Variants in CCL23 observed in about 807,000 individuals in gnomAD.
The protein encoded by CCL23 is C-C motif chemokine 23.
Under a neutral mutation model 11.8 loss-of-function variants are expected in CCL23, and 10 were observed. The ratio of observed to expected loss-of-function variants is 0.84; its 90% CI spans 0.52 to 1.43. CCL23 has a LOEUF of 1.43. Among genes scored for constraint, CCL23 ranks in the 40% most tolerant of loss-of-function variants. The pLI is 0.00. For synonymous variants in CCL23, 60 were observed against 61.0 expected (o/e 0.98, Z 0.07); for missense variants, 181 against 170.9 (o/e 1.06, Z -0.33).
At chr17:36,014,276 TAGTGC>T in intron 2 of CCL23, 53 bp downstream of exon 2, 1 of 1,215,140 alleles carries the variant, frequency 8.2e-7, no homozygotes, top group East Asian at 2.3e-5. Context: ...ATGGATCCCA[TAGTGC>T]AGACCTGCAC....
intron 3 of CCL23, 88 bp downstream of exon 3, chr17:36,013,656 C>T: frequency 3.0e-6 from 4 of 1,344,124 alleles, no homozygotes; most frequent in Non-Finnish European, 4.2e-6. Context: ...AGGGTGGGCC[C>T]TGATGGACAC....
At chr17:36,013,635 G>A (rs942230903) in intron 3 of CCL23, 109 bp downstream of exon 3, 1 of 1,051,404 alleles carries the variant, frequency 9.5e-7, no homozygotes, top group Non-Finnish European at 1.4e-6. Flanking sequence ...CCCATACCTG[G>A]CAGGATCCAG....
chr17:36,015,580 C>T (rs2090091662), intron 1 of CCL23, among the ~76,000 whole-genome samples: 1 of 152,168 alleles, frequency 6.6e-6, no homozygotes, highest in Admixed American at 6.5e-5. Flanking sequence ...ATTCTGCATT[C>T]CAAAATTCAT....
chr17:36,017,400 T>C (rs553890160), intron 1 of CCL23, among the ~76,000 whole-genome samples: 1 of 152,316 alleles, frequency 6.6e-6, no homozygotes, highest in South Asian at 2.1e-4. Flanking sequence ...TGACCTTGGT[T>C]GAGTCATTTG....
At chr17:36,016,234 A>G (rs1284775766) in intron 1 of CCL23, among the ~76,000 whole-genome samples, 3 of 152,104 alleles carry the variant, frequency 2.0e-5, no homozygotes, top group Admixed American at 2.0e-4. Context: ...ATAGGTATAC[A>G]TGTGCCATGG....
intron 1 of CCL23, among the ~76,000 whole-genome samples, chr17:36,017,136 A>G (rs2090103568): frequency 6.6e-6 from 1 of 152,194 alleles, no homozygotes; most frequent in Non-Finnish European, 1.5e-5. Flanking sequence ...CAAGTTATCT[A>G]AGGTTCTGTG....
At chr17:36,013,357 A>G in intron 3 of CCL23, 49 bp from the exon 4 acceptor site, 2 of 1,254,750 alleles carry the variant, frequency 1.6e-6, no homozygotes, top group South Asian at 2.4e-5. Context: ...TGTCCAGCAC[A>G]TGGGGACAGG....
chr17:36,015,920 T>G (rs2090094784), intron 1 of CCL23, among the ~76,000 whole-genome samples: 1 of 151,676 alleles, frequency 6.6e-6, no homozygotes, highest in Admixed American at 6.6e-5. Context: ...GGCATGTGCC[T>G]GTAATCGCAG....
rs1428418341 is a variant in CCL23, at chr17:36,014,327, C to T, written c.136+7G>A. ...CTTTTAAATATATGCCGTATCTGAT[C>T]ACTTACTGTCCAGAAGTACTGGATT... On this transcript the variant is annotated splice_region_variant and intron_variant, in intron 2 of 3. Coordinates refer to ENST00000615050, the MANE Select transcript of CCL23 (RefSeq NM_005064.6). 4 of 1,603,288 alleles carry T rather than the reference C, an allele frequency of 2.5e-6. No individual in the cohort carries two copies. The highest frequency in any genetic ancestry group is 3.4e-6 in the Non-Finnish European group (4 of 1,170,040).
In CCL23 at chr17:36,013,800, A is replaced by ACTCATCCAGTGTT; in HGVS notation, c.245_246insAACACTGGATGAG (p.Cys82Ter). 6.2e-7 allele frequency: 1 copy of ACTCATCCAGTGTT among 1,614,220 alleles called. No individual in the cohort carries two copies. Among genetic ancestry groups the ACTCATCCAGTGTT allele is most frequent in the Non-Finnish European group, 8.5e-7 (1 of 1,180,030 alleles). On this transcript the variant is annotated stop_gained and frameshift_variant, in exon 3 of 4. Coordinates refer to ENST00000615050, the MANE Select transcript of CCL23 (RefSeq NM_005064.6). LOFTEE classifies it high-confidence loss of function. ...TTTCAAAGTAACTCTCCAGGAGTGAACACGGGATGCTTCGTGGGGTGTAGG... is the reference window on the plus strand; with the variant it reads ...TTTCAAAGTAACTCTCCAGGAGTGAACTCATCCAGTGTTCACGGGATGCTTCGTGGGGTGTAGG...
rs575151366 is a variant in CCL23 at position 36,015,961 on chromosome 17, T to C, written c.77-1568A>G. Among the ~76,000 whole-genome samples, 45 of 151,976 alleles carry C rather than the reference T, an allele frequency of 3.0e-4. No homozygotes were observed. The East Asian group carries it at 7.7e-3, about 26-fold the overall frequency. On this transcript the variant is annotated intron_variant, in intron 1 of 3. Transcript: ENST00000615050. ...AGGGAGGCTGAGGCAGGAGAATCGT[T>C]TGAACCCAGGAGGTAGAGGTTGCAG...
intron 1 of CCL23, among the ~76,000 whole-genome samples, chr17:36,016,440 T>G (rs9897400): frequency 0.27 from 40,676 of 151,996 alleles, 6,883 homozygotes; most frequent in African/African-American, 0.48. Context: ...TTTCTGTTTC[T>G]GTGTTAGTTT....
At chr17:36,014,617 G>A (rs1021240304) in intron 1 of CCL23, among the ~76,000 whole-genome samples, 5 of 152,086 alleles carry the variant, frequency 3.3e-5, no homozygotes, top group Admixed American at 6.5e-5. Flanking sequence ...AAAACACTGT[G>A]TTGACTCTGA....
chr17:36,016,231 T>C (rs918909226), intron 1 of CCL23, among the ~76,000 whole-genome samples: 2 of 152,130 alleles, frequency 1.3e-5, no homozygotes, highest in African/African-American at 2.4e-5. Context: ...TACATAGGTA[T>C]ACATGTGCCA....
At chr17:36,016,199 T>C (rs142829834) in intron 1 of CCL23, among the ~76,000 whole-genome samples, 5 of 152,276 alleles carry the variant, frequency 3.3e-5, no homozygotes, top group African/African-American at 7.2e-5. Context: ...CTGGTATACC[T>C]GTGCTGAACG....
Position 36,013,089 on chromosome 17 carries a change from C to A in CCL23, c.*108G>T. ...GAAACTGTTTATTAGATGAATTGCT[C>A]TAAATCCAGAACACAAGAATAAATG... On this transcript the variant is annotated 3_prime_UTR_variant, in exon 4 of 4. Transcript: ENST00000615050. 1 of 704,526 alleles carries A rather than the reference C, an allele frequency of 1.4e-6. No individual in the cohort carries two copies. The highest frequency in any genetic ancestry group is 2.6e-6 in the Non-Finnish European group (1 of 392,074). The allele number at this position is 704,526 out of a possible 1,614,324, so 43.6% of individuals were successfully genotyped here. A position where few individuals can be genotyped will look rare whatever the true frequency, so the allele number is the denominator to read the frequency against.
In CCL23 at chr17:36,013,816, G is replaced by A; in HGVS notation, c.230C>T (p.Pro77Leu). The A allele has an allele frequency of 1.2e-6, 2 of 1,614,150 alleles. No homozygotes were observed. Among genetic ancestry groups the A allele is most frequent in the Non-Finnish European group, 1.7e-6 (2 of 1,179,974 alleles). Residue 77 changes from proline (P) to leucine (L), a missense_variant, in exon 3 of 4, where the codon CCA (proline) becomes CTA (leucine). Coordinates refer to ENST00000615050, the MANE Select transcript of CCL23 (RefSeq NM_005064.6). ...TSADCCISYT[P>L]RSIPCSLLES... ...CAGGAGTGAACACGGGATGCTTCGT[G>A]GGGTGTAGGAGATGCAGCAGTCAGC...
intron 3 of CCL23, 77 bp from the exon 4 acceptor site, chr17:36,013,385 C>T: frequency 1.2e-6 from 1 of 849,708 alleles, no homozygotes; most frequent in Non-Finnish European, 1.9e-6. Flanking sequence ...ATTCTCCCTG[C>T]CCCTCAGATT....
chr17:36,017,643 T>G (rs2090107289), intron 1 of CCL23, among the ~76,000 whole-genome samples, 179 bp downstream of exon 1: 2 of 152,162 alleles, frequency 1.3e-5, no homozygotes, highest in South Asian at 4.1e-4. Flanking sequence ...ATGTGTATAT[T>G]CCCCTCCCAG....
Sources: allele counts gnomAD v4.1 joint callset (sites outside exome capture counted in the v4.1 genomes callset), GRCh38; gene constraint gnomAD v4.1.1; transcripts MANE v1.5; gene names NCBI Gene and HGNC (gene_info 2026-07-23, HGNC 2026-07-21).